Variants in CNOT2 observed in about 807,000 individuals in gnomAD.
CNOT2 encodes the protein CC chemokine receptor 4-negative regulator of transcription 2.
Under a neutral mutation model 72.1 loss-of-function variants are expected in CNOT2, and 7 were observed. The observed-to-expected ratio is 0.10, with a 90% CI of 0.06 to 0.18. The LOEUF is 0.18. Ranked by LOEUF, CNOT2 falls within the 10% of genes least tolerant of loss-of-function variation. The pLI is 1.00. For synonymous variants in CNOT2, 196 were observed against 225.6 expected (o/e 0.87, Z 1.17); for missense variants, 345 against 660.3 (o/e 0.52, Z 5.23).
rs535802964 is a variant in CNOT2, at chr12:70,332,567, C to G, written c.570-200C>G. 99 of 762,716 alleles carry G rather than the reference C, an allele frequency of 1.3e-4. No homozygotes were observed. In the African/African-American group the frequency reaches 1.5e-3, roughly 12 times the overall value. 47.2% of individuals were successfully genotyped at this position (762,716 alleles called of 1,614,324 possible). A position where few individuals can be genotyped will look rare whatever the true frequency, so the allele number is the denominator to read the frequency against. On this transcript the variant is annotated intron_variant, in intron 6 of 15. Transcript: ENST00000229195. ...TTTTAACTAATCTGCCTAAAATGTTCTGGTTCTCATTTGTTCATGGAAGGA... is the reference window on the plus strand; with the variant it reads ...TTTTAACTAATCTGCCTAAAATGTTGTGGTTCTCATTTGTTCATGGAAGGA...
At chr12:70,284,655 T>C (rs1593122899) in intron 2 of CNOT2, among the ~76,000 whole-genome samples, 1 of 151,334 alleles carries the variant, frequency 6.6e-6, no homozygotes, top group East Asian at 1.9e-4. Flanking sequence ...CAAATCAAGT[T>C]AAATGAATTC....
intron 1 of CNOT2, among the ~76,000 whole-genome samples, chr12:70,272,656 G>A (rs1868273509): frequency 6.6e-6 from 1 of 152,080 alleles, no homozygotes; most frequent in East Asian, 1.9e-4. Flanking sequence ...TACTGTTCCT[G>A]CATCCCTGCA....
At chr12:70,286,029 C>T (rs900521865) in intron 2 of CNOT2, among the ~76,000 whole-genome samples, 3 of 151,490 alleles carry the variant, frequency 2.0e-5, no homozygotes, top group Non-Finnish European at 4.4e-5. Flanking sequence ...AAAGGGACAA[C>T]AGTGACATTG....
Position 70,285,974 on chromosome 12 carries a change from G to A in CNOT2, c.48+7700G>A, listed in dbSNP as rs560858920. ...CCTCTTGAGAGTGACCCACCAGTGT[G>A]TCCTTCTAGGATTCCACTGAGGAGA... On this transcript the variant is annotated intron_variant, in intron 2 of 15. Coordinates refer to ENST00000229195, the MANE Select transcript of CNOT2 (RefSeq NM_014515.7). Among the ~76,000 whole-genome samples the A allele has an allele frequency of 9.9e-5, 15 of 152,076 alleles. No individual in the cohort carries two copies. In the South Asian group the frequency reaches 3.1e-3, roughly 32 times the overall value.
At chr12:70,338,900 TA>T (rs1593270566) in intron 11 of CNOT2, 78 bp downstream of exon 11, 1 of 1,199,632 alleles carries the variant, frequency 8.3e-7, no homozygotes, top group Non-Finnish European at 1.2e-6. Context: ...GTCATCAAAT[TA>T]TCTCACCTAC....
At chr12:70,298,557 T>C (rs974677752) in intron 2 of CNOT2, among the ~76,000 whole-genome samples, 1 of 152,232 alleles carries the variant, frequency 6.6e-6, no homozygotes, top group African/African-American at 2.4e-5. Context: ...ATTACATAAA[T>C]AAATTTTAAA....
chr12:70,320,376 T>A (rs1239012009), intron 4 of CNOT2, among the ~76,000 whole-genome samples: 1 of 151,760 alleles, frequency 6.6e-6, no homozygotes, highest in Non-Finnish European at 1.5e-5. Flanking sequence ...TGAAACTAAT[T>A]TTGTATACAA....
chr12:70,248,509 T>C (rs1957994906), intron 1 of CNOT2, among the ~76,000 whole-genome samples: 1 of 152,166 alleles, frequency 6.6e-6, no homozygotes, highest in African/African-American at 2.4e-5. Context: ...GGTGTTGCCA[T>C]TGGCAGATGT....
intron 4 of CNOT2, among the ~76,000 whole-genome samples, chr12:70,320,615 CT>C (rs201430987): frequency 0.013 from 2,042 of 151,806 alleles, 46 homozygotes; most frequent in African/African-American, 0.046. Context: ...GTAATTTATT[CT>C]GCTTACCCTG....
chr12:70,267,782 C>T (rs1959122754), intron 1 of CNOT2, among the ~76,000 whole-genome samples: 1 of 152,258 alleles, frequency 6.6e-6, no homozygotes, highest in African/African-American at 2.4e-5. Flanking sequence ...AATAGTCTAT[C>T]ACAGGGATTG....
At chr12:70,318,711 T>A (rs1324802966) in intron 3 of CNOT2, among the ~76,000 whole-genome samples, 1 of 151,924 alleles carries the variant, frequency 6.6e-6, no homozygotes. Flanking sequence ...ACATGGCTCA[T>A]GTCTTATTTA....
intron 2 of CNOT2, among the ~76,000 whole-genome samples, chr12:70,302,981 T>C (rs1479018243): frequency 1.3e-5 from 2 of 152,252 alleles, no homozygotes; most frequent in South Asian, 2.1e-4. Context: ...TGGCCTTCTT[T>C]GTCTCTTTTG....
intron 1 of CNOT2, among the ~76,000 whole-genome samples, chr12:70,274,716 T>A (rs960719303): frequency 1.3e-5 from 2 of 151,958 alleles, no homozygotes; most frequent in Non-Finnish European, 2.9e-5. Context: ...AAGTAATTGA[T>A]CTATTTTTTG....
chr12:70,306,110 G>A (rs1423345458), intron 2 of CNOT2, among the ~76,000 whole-genome samples: 1 of 151,924 alleles, frequency 6.6e-6, no homozygotes, highest in African/African-American at 2.4e-5. Context: ...TGGGGATTTG[G>A]TTTGGTACAG....
intron 2 of CNOT2, among the ~76,000 whole-genome samples, chr12:70,299,380 C>A (rs181975521): frequency 0.14 from 16,268 of 118,238 alleles, 1,017 homozygotes; most frequent in Admixed American, 0.26. Flanking sequence ...CCCCTCCCCC[C>A]ACCCCCCAAC....
chr12:70,300,844 A>G (rs921242435), intron 2 of CNOT2, among the ~76,000 whole-genome samples: 2 of 152,178 alleles, frequency 1.3e-5, no homozygotes, highest in African/African-American at 4.8e-5. Context: ...GATTCTTCCT[A>G]CGTATGAGCA....
At chr12:70,264,096 A>T (rs7133869) in intron 1 of CNOT2, among the ~76,000 whole-genome samples, 14,527 of 152,280 alleles carry the variant, frequency 0.095, 893 homozygotes, top group Middle Eastern at 0.19. Flanking sequence ...TGTTATTAAC[A>T]GTTCTCTGGA....
At chr12:70,338,907 C>A in intron 11 of CNOT2, 85 bp downstream of exon 11, 1 of 1,110,414 alleles carries the variant, frequency 9.0e-7, no homozygotes, top group Non-Finnish European at 1.3e-6. Context: ...AATTATCTCA[C>A]CTACTGCTAC....
chr12:70,324,908 C>G (rs1593237280), intron 4 of CNOT2, among the ~76,000 whole-genome samples: 2 of 151,912 alleles, frequency 1.3e-5, no homozygotes, highest in South Asian at 2.1e-4. Context: ...CTGGCTGAGT[C>G]TCATATGTTA....
Sources: allele counts gnomAD v4.1 joint callset (sites outside exome capture counted in the v4.1 genomes callset), GRCh38; gene constraint gnomAD v4.1.1; transcripts MANE v1.5; gene names NCBI Gene and HGNC (gene_info 2026-07-23, HGNC 2026-07-21).